NUDT3: variants seen among roughly 807,000 people sequenced by gnomAD.
NUDT3 encodes the protein nudix hydrolase 3.
A neutral mutation model predicts 23.6 loss-of-function variants in NUDT3; 9 were observed. The observed-to-expected ratio is 0.38, with a 90% confidence interval of 0.23 to 0.66. The LOEUF (loss-of-function observed/expected upper bound fraction) is 0.66. NUDT3 is among the 30% of genes least tolerant of loss of function. The pLI is 0.52. For synonymous variants in NUDT3, 86 were observed against 82.6 expected (o/e 1.04, Z -0.22); for missense variants, 172 against 218.5 (o/e 0.79, Z 1.34).
At chr6:34,379,863 C>T (rs550824283) in intron 1 of NUDT3, among the ~76,000 whole-genome samples, 6 of 151,490 alleles carry the variant, frequency 4.0e-5, no homozygotes, top group South Asian at 4.2e-4. Context: ...AAAAATTAGC[C>T]GGATGGGGTG....
intron 1 of NUDT3, among the ~76,000 whole-genome samples, chr6:34,387,976 G>C (rs1450003967): frequency 6.6e-6 from 1 of 152,104 alleles, no homozygotes; most frequent in African/African-American, 2.4e-5. Flanking sequence ...GCAACTTCCA[G>C]TCATAATAAG....
chr6:34,389,556 G>A (rs1765161517), intron 1 of NUDT3, among the ~76,000 whole-genome samples: 1 of 152,160 alleles, frequency 6.6e-6, no homozygotes, highest in Non-Finnish European at 1.5e-5. Context: ...TACTTGGGAG[G>A]CTGAGACGGG....
At chr6:34,299,715 G>T (rs1462218162) in intron 2 of NUDT3, among the ~76,000 whole-genome samples, 3 of 151,240 alleles carry the variant, frequency 2.0e-5, no homozygotes, top group Non-Finnish European at 4.4e-5. Context: ...AGACCAGCCT[G>T]GCCAACACGG....
Position 34,295,663 on chromosome 6 carries a change from C to G in NUDT3, c.233G>C (p.Gly78Ala). 6.2e-7 allele frequency: 1 copy of G among 1,613,946 alleles called. No homozygotes were observed. Among genetic ancestry groups the G allele is most frequent in the Non-Finnish European group, 8.5e-7 (1 of 1,179,918 alleles). Residue 78 changes from glycine to alanine, a missense_variant, in exon 3 of 5, where the codon GGA becomes GCA. Gly to Ala is a moderately conservative substitution (Grantham distance 60). This residue lies in a region of NUDT3 where 59 missense variants were observed against 107.4 expected (regional missense o/e 0.55). Coordinates refer to ENST00000607016, the MANE Select transcript of NUDT3 (RefSeq NM_006703.4). Reference sequence around the variant, plus strand: ...TACCTCAAAAATTCCAACTAATCTTCCCAATGTCCCTTTTACTCCAGCCTA... The same window carrying G: ...TACCTCAAAAATTCCAACTAATCTTGCCAATGTCCCTTTTACTCCAGCCTA... ...CEEAGVKGTLGRLVGIFENQE... is the reference protein window; with the variant it reads ...CEEAGVKGTLARLVGIFENQE...
At chr6:34,383,502 G>A (rs986361566) in intron 1 of NUDT3, among the ~76,000 whole-genome samples, 3 of 152,022 alleles carry the variant, frequency 2.0e-5, no homozygotes, top group African/African-American at 2.4e-5. Flanking sequence ...ATCCTCCCAC[G>A]TAGGCCTCCC....
chr6:34,374,093 G>GCA (rs2113762146), intron 1 of NUDT3, among the ~76,000 whole-genome samples: 1 of 146,338 alleles, frequency 6.8e-6, no homozygotes, highest in African/African-American at 2.5e-5. Flanking sequence ...GGAGGCAGAG[G>GCA]TTGCAGCAAG....
chr6:34,340,473 A>G (rs1038961700), intron 2 of NUDT3, among the ~76,000 whole-genome samples: 2 of 152,230 alleles, frequency 1.3e-5, no homozygotes, highest in African/African-American at 2.4e-5. Context: ...GGGTGTTTAA[A>G]GTTATTTTCT....
At chr6:34,351,778 T>G (rs1764483220) in intron 1 of NUDT3, among the ~76,000 whole-genome samples, 1 of 132,966 alleles carries the variant, frequency 7.5e-6, no homozygotes, top group African/African-American at 3.0e-5. Flanking sequence ...AGAAAAAATA[T>G]ACATACACAC....
intron 2 of NUDT3, among the ~76,000 whole-genome samples, chr6:34,312,860 G>A (rs992059930): frequency 6.6e-6 from 1 of 152,142 alleles, no homozygotes. Flanking sequence ...GAACTATCAA[G>A]TTATGTATGT....
intron 2 of NUDT3, among the ~76,000 whole-genome samples, chr6:34,314,558 C>CAAA (rs397933941): frequency 2.0e-5 from 2 of 102,496 alleles, no homozygotes; most frequent in Non-Finnish European, 4.1e-5. Context: ...GACTCTGTCT[C>CAAA]AAAAAAAAAA....
intron 3 of NUDT3, 33 bp from the exon 4 acceptor site, chr6:34,293,568 T>C: frequency 6.2e-7 from 1 of 1,612,690 alleles, no homozygotes; most frequent in Non-Finnish European, 8.5e-7. Flanking sequence ...TAGAGAGAGT[T>C]TTTCCTTAGA....
chr6:34,348,461 G>C (rs1024465378), intron 1 of NUDT3, among the ~76,000 whole-genome samples: 7 of 151,936 alleles, frequency 4.6e-5, no homozygotes, highest in African/African-American at 1.7e-4. Context: ...CAGCCTGAGT[G>C]ACAGAGCAAG....
chr6:34,314,657 T>C (rs1763831882), intron 2 of NUDT3, among the ~76,000 whole-genome samples: 1 of 151,892 alleles, frequency 6.6e-6, no homozygotes, highest in South Asian at 2.1e-4. Context: ...TTAACTTAAC[T>C]AGCATCCTCC....
At chr6:34,325,951 C>T (rs1764020989) in intron 2 of NUDT3, among the ~76,000 whole-genome samples, 3 of 152,168 alleles carry the variant, frequency 2.0e-5, no homozygotes. Context: ...ATAATAAGTA[C>T]TTACGCTTAT....
At position 34,320,990 on chromosome 6, in the gene NUDT3, G is replaced by A. The variant is rs138113025; in HGVS notation, c.210+20872C>T. Among the ~76,000 whole-genome samples, 291 of 152,248 alleles carry A rather than the reference G, an allele frequency of 1.9e-3. 1 individual carries two copies. Among genetic ancestry groups the A allele is most frequent in the Middle Eastern group, 0.01 (3 of 294 alleles). ...GACTAAGCTGAAAACCCAAAGAGGCGTCTCTAGGTGGCAAAAGGATAGGGC... is the reference window on the plus strand; with the variant it reads ...GACTAAGCTGAAAACCCAAAGAGGCATCTCTAGGTGGCAAAAGGATAGGGC... On this transcript the variant is annotated intron_variant, in intron 2 of 4. Transcript: ENST00000607016.
rs554078694 is a variant in NUDT3, at chr6:34,318,759, C to T, written c.211-23074G>A. Among the ~76,000 whole-genome samples the T allele has an allele frequency of 1.1e-4, 17 of 152,088 alleles. No homozygotes were observed. The South Asian group carries it at 1.7e-3, about 15-fold the overall frequency. On this transcript the variant is annotated intron_variant, in intron 2 of 4. Coordinates refer to ENST00000607016, the MANE Select transcript of NUDT3 (RefSeq NM_006703.4). ...TTTTTTTTAACTGGAGATGAAGTCT[C>T]GCTATGTTGCCTAGGCTGGCCTCAA... is the stretch of plus-strand genomic sequence containing the variant.
At chr6:34,289,514 C>G (rs1763386073) in intron 4 of NUDT3, among the ~76,000 whole-genome samples, 1 of 152,212 alleles carries the variant, frequency 6.6e-6, no homozygotes, top group African/African-American at 2.4e-5. Context: ...CTGCAGTGAG[C>G]TGTCATCGCG....
intron 2 of NUDT3, among the ~76,000 whole-genome samples, chr6:34,327,868 G>A (rs561379905): frequency 9.5e-4 from 144 of 152,222 alleles, no homozygotes; most frequent in African/African-American, 3.3e-3. Context: ...GCCCTCAAGC[G>A]GCCCTTATGT....
chr6:34,310,873 G>A (rs1205379553), intron 2 of NUDT3, among the ~76,000 whole-genome samples: 3 of 151,620 alleles, frequency 2.0e-5, no homozygotes, highest in Non-Finnish European at 2.9e-5. Flanking sequence ...GTATTCCATC[G>A]CATCAACAAG....
Sources: gnomAD v4.1 joint callset for allele counts (sites outside exome capture counted in the v4.1 genomes callset) on GRCh38, gnomAD v4.1.1 for gene constraint, gnomAD v4.1.1 regional missense constraint, MANE v1.5 for transcripts, NCBI Gene and HGNC (gene_info 2026-07-23, HGNC 2026-07-21) for gene names.